Variants in SFMBT1 observed in about 807,000 individuals in gnomAD.
SFMBT1 encodes scm-like with four MBT domains protein 1.
Under a neutral mutation model 108.7 loss-of-function variants are expected in SFMBT1, and 32 were observed. The ratio of observed to expected loss-of-function variants is 0.29; its 90% CI spans 0.22 to 0.40. The LOEUF (loss-of-function observed/expected upper bound fraction) is 0.40. Ranked by LOEUF, SFMBT1 falls within the 10% of genes least tolerant of loss-of-function variation. SFMBT1 has a pLI of 1.00. For missense variants in SFMBT1, 816 were observed against 1,059.6 expected (o/e 0.77, Z 3.19); for synonymous variants, 348 against 369.5 (o/e 0.94, Z 0.67).
At chr3:52,986,247 T>G (rs1704912039) in intron 1 of SFMBT1, among the ~76,000 whole-genome samples, 1 of 152,024 alleles carries the variant, frequency 6.6e-6, no homozygotes, top group South Asian at 2.1e-4. Context: ...AGTCAGTCAG[T>G]GGTGAGTGAA....
At chr3:52,999,612 T>C (rs1698468185) in intron 1 of SFMBT1, among the ~76,000 whole-genome samples, 1 of 150,196 alleles carries the variant, frequency 6.7e-6, no homozygotes, top group South Asian at 2.1e-4. Context: ...GTTCGTGTCC[T>C]TGCCCCTAAC....
chr3:52,962,629 A>G (rs1453916391), intron 2 of SFMBT1, among the ~76,000 whole-genome samples: 1 of 152,020 alleles, frequency 6.6e-6, no homozygotes, highest in African/African-American at 2.4e-5. Flanking sequence ...AACATGATGA[A>G]ACCCCATCTC....
chr3:52,949,096 TTAATCTC>T (rs1703481206), intron 3 of SFMBT1, among the ~76,000 whole-genome samples: 1 of 152,182 alleles, frequency 6.6e-6, no homozygotes, highest in Non-Finnish European at 1.5e-5. Context: ...AGTGTGTTGT[TTAATCTC>T]TAAGTAACTA....
intron 1 of SFMBT1, among the ~76,000 whole-genome samples, chr3:53,015,176 T>G (rs1237211104): frequency 6.7e-6 from 1 of 149,398 alleles, no homozygotes; most frequent in Non-Finnish European, 1.5e-5. Context: ...GCCACTGCAC[T>G]CCAGCCTGGG....
intron 19 of SFMBT1, among the ~76,000 whole-genome samples, 160 bp from the exon 20 acceptor site, chr3:52,906,401 T>A (rs564526272): frequency 6.6e-6 from 1 of 152,326 alleles, no homozygotes; most frequent in South Asian, 2.1e-4. Flanking sequence ...GTGCATCAGG[T>A]ACTCAGGAAA....
At chr3:52,960,384 A>G (rs903596010) in intron 2 of SFMBT1, among the ~76,000 whole-genome samples, 1 of 152,220 alleles carries the variant, frequency 6.6e-6, no homozygotes, top group African/African-American at 2.4e-5. Flanking sequence ...ATGAAAATGC[A>G]TGAAAAGATG....
Position 53,001,097 on chromosome 3 carries a change from A to T in SFMBT1, c.-130-31839T>A, listed in dbSNP as rs920647586. Among the ~76,000 whole-genome samples the T allele has an allele frequency of 1.9e-4, 28 of 150,266 alleles. 2 individuals carry two copies. Among genetic ancestry groups the T allele is most frequent in the Non-Finnish European group, 1.5e-4 (10 of 67,070 alleles). ...AACAAGTCAAAAACAAAAAAGAACCACACAAAATTCCAAGGGCACAATTCT... is the reference window on the plus strand; with the variant it reads ...AACAAGTCAAAAACAAAAAAGAACCTCACAAAATTCCAAGGGCACAATTCT... On this transcript the variant is annotated intron_variant, in intron 1 of 20. Coordinates refer to ENST00000394752, the MANE Select transcript of SFMBT1 (RefSeq NM_016329.4).
intron 1 of SFMBT1, among the ~76,000 whole-genome samples, chr3:53,004,846 T>C (rs997957113): frequency 6.6e-6 from 1 of 152,004 alleles, no homozygotes; most frequent in Non-Finnish European, 1.5e-5. Context: ...CCGGAAAGAA[T>C]GAGAAGGGAA....
At chr3:52,991,648 C>T (rs144351816) in intron 1 of SFMBT1, among the ~76,000 whole-genome samples, 2,587 of 152,138 alleles carry the variant, frequency 0.017, 39 homozygotes, top group South Asian at 0.027. Flanking sequence ...CCAGCCTGCA[C>T]GTTGAAAGTT....
Position 52,969,137 on chromosome 3 carries a change from C to T in SFMBT1, c.-9G>A. 1.2e-6 allele frequency: 2 copies of T among 1,614,078 alleles called. No homozygotes were observed. Among genetic ancestry groups the T allele is most frequent in the Non-Finnish European group, 1.7e-6 (2 of 1,179,978 alleles). The stretch of plus-strand genomic sequence containing the variant: ...TGCTGCTCCCCGTTCATTTCCACAG[C>T]ATATAGGCAGGCTATATCCTCCCAA... On this transcript the variant is annotated 5_prime_UTR_variant, in exon 2 of 21. An upstream start codon of the reference 5' UTR is lost. Transcript: ENST00000394752.
chr3:52,930,553 T>C, intron 7 of SFMBT1, 123 bp from the exon 8 acceptor site: 10 of 634,584 alleles, frequency 1.6e-5, no homozygotes, highest in Non-Finnish European at 2.5e-5. Context: ...TTCTTTTTTT[T>C]AAATGTGCAA....
At chr3:52,914,875 A>G (rs1702306807) in intron 14 of SFMBT1, among the ~76,000 whole-genome samples, 1 of 152,166 alleles carries the variant, frequency 6.6e-6, no homozygotes, top group Non-Finnish European at 1.5e-5. Flanking sequence ...GCTGCTGGGT[A>G]TGTTGGCAGC....
At chr3:52,999,588 T>C (rs1431437501) in intron 1 of SFMBT1, among the ~76,000 whole-genome samples, 1 of 150,186 alleles carries the variant, frequency 6.7e-6, no homozygotes, top group African/African-American at 2.4e-5. Flanking sequence ...GTTCAAACGC[T>C]CCAGAAGACA....
In SFMBT1 at chr3:52,997,191, G is replaced by T. The variant is rs1212085394; in HGVS notation, c.-130-27933C>A. 1.3e-5 allele frequency among the ~76,000 whole-genome samples: 2 copies of T among 150,224 alleles called. 1 individual carries two copies. Among genetic ancestry groups the T allele is most frequent in the Non-Finnish European group, 3.0e-5 (2 of 67,050 alleles). ...ACAGCCACACAAAGACTTTACTTGT[G>T]TTCACTGCCAAGAACTAGAAATAAC... On this transcript the variant is annotated intron_variant, in intron 1 of 20. Transcript: ENST00000394752.
chr3:52,967,850 T>C (rs993975000), intron 2 of SFMBT1, among the ~76,000 whole-genome samples: 1 of 152,186 alleles, frequency 6.6e-6, no homozygotes, highest in African/African-American at 2.4e-5. Flanking sequence ...GTAGAGAAAC[T>C]AGAACTCTCA....
At chr3:52,981,399 G>A (rs1244048536) in intron 1 of SFMBT1, among the ~76,000 whole-genome samples, 1 of 151,956 alleles carries the variant, frequency 6.6e-6, no homozygotes, top group Admixed American at 6.6e-5. Flanking sequence ...GTCTTGTTCT[G>A]TCACCCAGGC....
intron 7 of SFMBT1, 35 bp from the exon 8 acceptor site, chr3:52,930,465 A>G (rs755222044): frequency 8.5e-7 from 1 of 1,177,460 alleles, no homozygotes; most frequent in Admixed American, 1.7e-5. Context: ...ATGAAAACAT[A>G]GTATCTGTAT....
intron 10 of SFMBT1, among the ~76,000 whole-genome samples, chr3:52,924,919 A>C (rs1417956177): frequency 6.6e-6 from 1 of 152,124 alleles, no homozygotes; most frequent in Non-Finnish European, 1.5e-5. Flanking sequence ...TTAAAAAGAA[A>C]CAATCATAAA....
At chr3:52,986,117 T>G (rs1704904027) in intron 1 of SFMBT1, among the ~76,000 whole-genome samples, 1 of 142,038 alleles carries the variant, frequency 7.0e-6, no homozygotes, top group African/African-American at 2.6e-5. Flanking sequence ...CACTTCAGCC[T>G]GGGAGACAGA....
Sources: allele counts gnomAD v4.1 joint callset (sites outside exome capture counted in the v4.1 genomes callset), GRCh38; gene constraint gnomAD v4.1.1; transcripts MANE v1.5; gene names NCBI Gene and HGNC (gene_info 2026-07-23, HGNC 2026-07-21).